C12orf60: variants seen among roughly 807,000 people sequenced by gnomAD.
The protein encoded by C12orf60 is uncharacterized protein C12orf60.
For synonymous variants in C12orf60, 102 were observed against 94.6 expected (o/e 1.08, Z -0.45); for missense variants, 284 against 283.2 (o/e 1.00, Z -0.02).
At chr12:14,814,766 C>T (rs1488747497) in intron 1 of C12orf60, among the ~76,000 whole-genome samples, 1 of 152,120 alleles carries the variant, frequency 6.6e-6, no homozygotes, top group Non-Finnish European at 1.5e-5. Context: ...TCAGTCTTCC[C>T]TGCTGCTTCT....
chr12:14,803,713 T>C lies in C12orf60; in HGVS notation c.-63T>C, dbSNP rs1950002031. The stretch of plus-strand genomic sequence containing the variant: ...ACTGAGTGGCTGACGGTCCTGTCTC[T>C]CGAGTTGGAGGCATCTTGACTTAGT... On this transcript the variant is annotated 5_prime_UTR_variant, in exon 1 of 2. Transcript: ENST00000330828. 3 of 384,864 alleles carry C rather than the reference T, an allele frequency of 7.8e-6. No homozygotes were observed. The highest frequency in any genetic ancestry group is 1.4e-5 in the Non-Finnish European group (3 of 218,174). The allele number at this position is 384,864 out of a possible 1,614,324, so 23.8% of individuals were successfully genotyped here.
chr12:14,812,037 T>C (rs1249124086), intron 1 of C12orf60, among the ~76,000 whole-genome samples: 1 of 152,254 alleles, frequency 6.6e-6, no homozygotes. Context: ...CTTTTGATTT[T>C]TGTTATTCTT....
intron 1 of C12orf60, among the ~76,000 whole-genome samples, chr12:14,816,382 C>T (rs1950218830): frequency 6.6e-6 from 1 of 152,108 alleles, no homozygotes; most frequent in African/African-American, 2.4e-5. Flanking sequence ...TTACATGACC[C>T]TGAATAAACT....
intron 1 of C12orf60, among the ~76,000 whole-genome samples, chr12:14,819,155 G>C (rs1038109198): frequency 1.3e-5 from 2 of 151,970 alleles, no homozygotes; most frequent in African/African-American, 4.8e-5. Flanking sequence ...GAGTCTTTCA[G>C]TTCATGGACA....
rs773416521 is a variant in C12orf60 at position 14,823,533 on chromosome 12, T to C, written c.598T>C (p.Ser200Pro). The C allele has an allele frequency of 1.2e-6, 2 of 1,613,806 alleles. No homozygotes were observed. Among genetic ancestry groups the C allele is most frequent in the Non-Finnish European group, 1.7e-6 (2 of 1,179,920 alleles). Residue 200 changes from serine (S) to proline (P), a missense_variant, in exon 2 of 2, where the codon TCC (serine) becomes CCC (proline). Ser to Pro is a moderately conservative substitution (Grantham distance 74). Coordinates refer to ENST00000330828, the MANE Select transcript of C12orf60 (RefSeq NM_175874.4). Reference sequence around the variant, plus strand: ...GCAGGATGTACTAAAAACTGAGGATTCCAAAAATCCCACAAAGTCAGCAGC... The same window carrying C: ...GCAGGATGTACTAAAAACTGAGGATCCCAAAAATCCCACAAAGTCAGCAGC... ...KLQDVLKTED[S>P]KNPTKSAADL...
chr12:14,815,063 C>A (rs1042563369), intron 1 of C12orf60, among the ~76,000 whole-genome samples: 3 of 152,156 alleles, frequency 2.0e-5, no homozygotes, highest in Non-Finnish European at 4.4e-5. Context: ...GTGGCAAAAT[C>A]TTATGAAACG....
chr12:14,824,132 G>T lies in C12orf60; in HGVS notation c.*459G>T, dbSNP rs1373998735. ...TTTCTATATACTTCAGTACCTTGAC[G>T]ATCAGAAGCCATCACTAAATATTTT... On this transcript the variant is annotated 3_prime_UTR_variant, in exon 2 of 2. Transcript: ENST00000330828. The T allele has an allele frequency of 6.6e-6, 1 of 152,488 alleles. No individual in the cohort carries two copies. The highest frequency in any genetic ancestry group is 2.4e-5 in the African/African-American group (1 of 41,418). The allele number at this position is 152,488 out of a possible 1,614,324, so 9.4% of individuals were successfully genotyped here. A position where few individuals can be genotyped will look rare whatever the true frequency, so the allele number is the denominator to read the frequency against.
Position 14,823,282 on chromosome 12 carries a change from A to G in C12orf60, c.347A>G (p.Lys116Arg), listed in dbSNP as rs1421023100. 3.7e-6 allele frequency: 6 copies of G among 1,614,024 alleles called. No homozygotes were observed. The South Asian group carries it at 4.4e-5, about 12-fold the overall frequency. Residue 116 changes from lysine to arginine, a missense_variant, in exon 2 of 2, where the codon AAA becomes AGA. Lys to Arg is a conservative substitution (Grantham distance 26). Coordinates refer to ENST00000330828, the MANE Select transcript of C12orf60 (RefSeq NM_175874.4). Reference protein sequence around the residue: ...ELHQSAKEVFKSAHTPVIISV... With the variant: ...ELHQSAKEVFRSAHTPVIISV... ...CATCAGTCAGCTAAAGAAGTATTCA[A>G]AAGTGCCCATACGCCAGTCATCATC...
chr12:14,815,327 G>C (rs1425645592), intron 1 of C12orf60, among the ~76,000 whole-genome samples: 1 of 152,164 alleles, frequency 6.6e-6, no homozygotes, highest in African/African-American at 2.4e-5. Flanking sequence ...ACTAGGTATG[G>C]ATGTTAAGTA....
chr12:14,806,054 A>G (rs1221375927), intron 1 of C12orf60: 12 of 1,614,082 alleles, frequency 7.4e-6, no homozygotes, highest in African/African-American at 1.3e-5. Flanking sequence ...TGGCATGATT[A>G]TATTTTTCTG....
chr12:14,814,460 T>G (rs1275481042), intron 1 of C12orf60, among the ~76,000 whole-genome samples: 1 of 152,226 alleles, frequency 6.6e-6, no homozygotes, highest in Non-Finnish European at 1.5e-5. Context: ...GCTAATTCAA[T>G]TTAGTAGAGA....
intron 1 of C12orf60, among the ~76,000 whole-genome samples, chr12:14,811,108 G>A (rs1389411689): frequency 1.3e-5 from 2 of 152,188 alleles, no homozygotes; most frequent in African/African-American, 4.8e-5. Flanking sequence ...TGTATGGTAA[G>A]TTTGAACTTT....
At chr12:14,804,278 T>A (rs1592226604) in intron 1 of C12orf60, among the ~76,000 whole-genome samples, 1 of 152,166 alleles carries the variant, frequency 6.6e-6, no homozygotes, top group Non-Finnish European at 1.5e-5. Context: ...TTCCCTACCT[T>A]CTATCCCCTC....
chr12:14,817,247 A>G (rs570333632), intron 1 of C12orf60, among the ~76,000 whole-genome samples: 4 of 152,254 alleles, frequency 2.6e-5, no homozygotes, highest in African/African-American at 9.6e-5. Context: ...TATGACATAA[A>G]ATCAAGGTTT....
In C12orf60 at chr12:14,807,401, C is replaced by T. The variant is rs182778975; in HGVS notation, c.-25+3650C>T. Among the ~76,000 whole-genome samples, 11 of 152,282 alleles carry T rather than the reference C, an allele frequency of 7.2e-5. No individual in the cohort carries two copies. In the East Asian group the frequency reaches 2.1e-3, roughly 29 times the overall value. Reference sequence around the variant, plus strand: ...CTTAGTTTCCCGAACCCCTAGTCACCACATTGACCACACCTACCAGACTGA... The same window carrying T: ...CTTAGTTTCCCGAACCCCTAGTCACTACATTGACCACACCTACCAGACTGA... On this transcript the variant is annotated intron_variant, in intron 1 of 1. Transcript: ENST00000330828.
At chr12:14,816,870 G>A (rs546436718) in intron 1 of C12orf60, among the ~76,000 whole-genome samples, 13 of 150,906 alleles carry the variant, frequency 8.6e-5, no homozygotes, top group Non-Finnish European at 1.9e-4. Context: ...TCAGCCTCCC[G>A]AGTAGCTGGG....
At chr12:14,813,719 A>G (rs367942286) in intron 1 of C12orf60, among the ~76,000 whole-genome samples, 1 of 152,218 alleles carries the variant, frequency 6.6e-6, no homozygotes, top group Non-Finnish European at 1.5e-5. Context: ...CCAGTATTAG[A>G]TTCCACATTC....
intron 1 of C12orf60, among the ~76,000 whole-genome samples, chr12:14,815,371 A>G (rs1236103696): frequency 6.6e-6 from 1 of 152,186 alleles, no homozygotes; most frequent in African/African-American, 2.4e-5. Flanking sequence ...GGATGGTGGT[A>G]TAGAGGAAAT....
chr12:14,805,904 C>A, intron 1 of C12orf60: 3 of 1,189,610 alleles, frequency 2.5e-6, no homozygotes, highest in Non-Finnish European at 3.6e-6. Flanking sequence ...TATTTAAGTC[C>A]ATATTGGAAG....
Sources: gnomAD v4.1 joint callset for allele counts (sites outside exome capture counted in the v4.1 genomes callset) on GRCh38, gnomAD v4.1.1 for gene constraint, MANE v1.5 for transcripts, NCBI Gene and HGNC (gene_info 2026-07-23, HGNC 2026-07-21) for gene names.